Variants in PHACTR1 observed in about 807,000 individuals in gnomAD.
PHACTR1 encodes RPEL repeat containing 1.
In PHACTR1, 16 loss-of-function variants were observed where a neutral mutation model predicts 69.2. The observed-to-expected ratio is 0.23, with a 90% CI of 0.16 to 0.35. The LOEUF (loss-of-function observed/expected upper bound fraction) is 0.35, where lower values mean the gene tolerates loss of function less well. PHACTR1 is among the 10% of genes least tolerant of loss of function. The pLI is 1.00. For missense variants in PHACTR1, 510 were observed against 734.7 expected, an observed-to-expected ratio of 0.69 and a Z score of 3.54; for synonymous variants, 312 against 284.5, an observed-to-expected ratio of 1.10 and a Z score of -0.97.
chr6:12,909,803 T>C (rs1786172638), intron 4 of PHACTR1, among the ~76,000 whole-genome samples: 1 of 152,192 alleles, frequency 6.6e-6, no homozygotes, highest in Non-Finnish European at 1.5e-5. Context: ...ACCTCCCCCA[T>C]GAATATTTGA....
chr6:12,971,987 T>A (rs181110984), intron 4 of PHACTR1, among the ~76,000 whole-genome samples: 1 of 152,364 alleles, frequency 6.6e-6, no homozygotes, highest in Admixed American at 6.5e-5. Flanking sequence ...TGACTTCTGT[T>A]GAGCACCTAC....
chr6:13,263,714 A>G (rs1272099343), intron 10 of PHACTR1, among the ~76,000 whole-genome samples: 2 of 152,200 alleles, frequency 1.3e-5, no homozygotes, highest in African/African-American at 2.4e-5. Context: ...TGTTTAATTT[A>G]ATGTTAGTTT....
intron 3 of PHACTR1, chr6:12,749,365 G>T: frequency 1.9e-6 from 1 of 514,600 alleles, no homozygotes; most frequent in Non-Finnish European, 3.8e-6. Context: ...GAGTCTGGGG[G>T]AGCCCCGGGC....
intron 6 of PHACTR1, among the ~76,000 whole-genome samples, chr6:13,172,959 C>A (rs2076304155): frequency 6.6e-6 from 1 of 152,222 alleles, no homozygotes; most frequent in South Asian, 2.1e-4. Flanking sequence ...ATTGTTCTTG[C>A]ATATTGGTCA....
chr6:13,124,892 A>G (rs1200554253), intron 5 of PHACTR1, among the ~76,000 whole-genome samples: 5 of 152,218 alleles, frequency 3.3e-5, no homozygotes, highest in South Asian at 2.1e-4. Flanking sequence ...ATTGGAGGTT[A>G]GATCTTAAAT....
chr6:12,885,861 G>A (rs886201782), intron 4 of PHACTR1, among the ~76,000 whole-genome samples: 3 of 152,190 alleles, frequency 2.0e-5, no homozygotes, highest in East Asian at 1.9e-4. Context: ...TTGGGAGGCC[G>A]AGGCGGGCGT....
In PHACTR1 at chr6:13,283,438, C is replaced by T; in HGVS notation, c.1526C>T (p.Thr509Met). The T allele has an allele frequency of 6.2e-7, 1 of 1,613,668 alleles. No homozygotes were observed. The highest frequency in any genetic ancestry group is 8.5e-7 in the Non-Finnish European group (1 of 1,179,770). Residue 509 changes from threonine (T) to methionine (M), a missense_variant, in exon 13 of 15, where the codon ACG becomes ATG. This residue lies in a region of PHACTR1 where 91 missense variants were observed against 203.8 expected (regional missense o/e 0.45). Transcript: ENST00000332995. This position sits in a 1 kb window ranked among gnomAD's most constrained non-coding sequence, Gnocchi z 4.7. ...RLTRKLSQRPTVEELRERKIL... is the reference protein window; with the variant it reads ...RLTRKLSQRPMVEELRERKIL... ...TCCCTGCAGCTCAGTCAAAGGCCCACGGTGGAAGAGCTTCGGGAAAGAAAG... is the reference window on the plus strand; with the variant it reads ...TCCCTGCAGCTCAGTCAAAGGCCCATGGTGGAAGAGCTTCGGGAAAGAAAG...
At position 13,017,182 on chromosome 6, in the gene PHACTR1, T is replaced by C. The variant is rs571060148; in HGVS notation, c.251-36183T>C. The stretch of plus-strand genomic sequence containing the variant: ...GCCTGGGTGAAGAAGTGAGACTCTG[T>C]CTCAAAAAAAAAAAAAAAAAAAAAA... On this transcript the variant is annotated intron_variant, in intron 4 of 14. Transcript: ENST00000332995. Among the ~76,000 whole-genome samples the C allele has an allele frequency of 1.6e-4, 12 of 74,944 alleles. No homozygotes were observed. In the East Asian group the frequency reaches 3.4e-3, roughly 21 times the overall value. 49.2% of individuals were successfully genotyped at this position (74,944 alleles called of 152,430 possible). A position where few individuals can be genotyped will look rare whatever the true frequency, so the allele number is the denominator to read the frequency against.
rs1774996123 is a variant in PHACTR1 at position 12,811,401 on chromosome 6, G to C, written c.250+61611G>C. Among the ~76,000 whole-genome samples the C allele has an allele frequency of 2.0e-5, 3 of 152,162 alleles. No individual in the cohort carries two copies. In the South Asian group the frequency reaches 6.2e-4, roughly 32 times the overall value. On this transcript the variant is annotated intron_variant, in intron 4 of 14. Coordinates refer to ENST00000332995, the MANE Select transcript of PHACTR1 (RefSeq NM_030948.6). ...ATAGTTTCATTGCTGAAAATAACTT[G>C]TGGGTTTTAGTTAATTTGACTTGTT...
intron 4 of PHACTR1, among the ~76,000 whole-genome samples, chr6:12,821,662 G>GA (rs1002144409): frequency 4.6e-5 from 7 of 152,008 alleles, no homozygotes; most frequent in Non-Finnish European, 5.9e-5. Context: ...ATTTTGTTGG[G>GA]AAAAAAATCA....
At chr6:13,226,669 G>A (rs114367745) in intron 8 of PHACTR1, among the ~76,000 whole-genome samples, 59 of 152,078 alleles carry the variant, frequency 3.9e-4, no homozygotes, top group African/African-American at 1.4e-3. Flanking sequence ...TCAGCTAGAG[G>A]ATTAAGAAAA....
intron 10 of PHACTR1, among the ~76,000 whole-genome samples, chr6:13,231,760 G>A (rs976496222): frequency 1.1e-4 from 17 of 152,170 alleles, no homozygotes; most frequent in Admixed American, 6.5e-5. Flanking sequence ...GTGACATTAG[G>A]TAACCTTTGT....
chr6:13,234,240 C>A (rs1771656895), intron 10 of PHACTR1, among the ~76,000 whole-genome samples: 1 of 152,248 alleles, frequency 6.6e-6, no homozygotes, highest in South Asian at 2.1e-4. Context: ...GGTTCTGGCT[C>A]TGATTCTTTC....
At chr6:13,046,273 AC>A (rs1220451655) in intron 4 of PHACTR1, among the ~76,000 whole-genome samples, 1 of 151,924 alleles carries the variant, frequency 6.6e-6, no homozygotes, top group Non-Finnish European at 1.5e-5. Context: ...CCCTCCTCCT[AC>A]CCATCCCCAC....
chr6:12,939,264 T>C (rs1789813524), intron 4 of PHACTR1, among the ~76,000 whole-genome samples: 2 of 152,154 alleles, frequency 1.3e-5, no homozygotes, highest in Non-Finnish European at 1.5e-5. Flanking sequence ...GAAGGAGAGA[T>C]TGCCTTAGGT....
chr6:12,868,479 G>A (rs1422220963), intron 4 of PHACTR1, among the ~76,000 whole-genome samples: 2 of 152,132 alleles, frequency 1.3e-5, no homozygotes, highest in Non-Finnish European at 2.9e-5. Context: ...CGTGAAGCCA[G>A]GATTGGCTGG....
chr6:12,931,744 G>T (rs370488924), intron 4 of PHACTR1, among the ~76,000 whole-genome samples: 5 of 151,464 alleles, frequency 3.3e-5, no homozygotes, highest in Admixed American at 3.3e-4. Flanking sequence ...AATTGCCCTC[G>T]TATTCTTTCT....
At chr6:12,884,103 C>T (rs916974398) in intron 4 of PHACTR1, among the ~76,000 whole-genome samples, 2 of 151,782 alleles carry the variant, frequency 1.3e-5, no homozygotes, top group East Asian at 1.9e-4. Flanking sequence ...CACACATAAC[C>T]ACACACATGT....
chr6:12,769,900 G>A (rs779458950), intron 4 of PHACTR1, among the ~76,000 whole-genome samples: 5 of 152,192 alleles, frequency 3.3e-5, no homozygotes, highest in Admixed American at 1.3e-4. Context: ...TTTGTCCCAC[G>A]CCATAGTTCA....
Sources: gnomAD v4.1 joint callset for allele counts (sites outside exome capture counted in the v4.1 genomes callset) on GRCh38, gnomAD v4.1.1 for gene constraint, gnomAD v4.1.1 regional missense constraint, Gnocchi (gnomAD v3.1) non-coding constraint, MANE v1.5 for transcripts, NCBI Gene and HGNC (gene_info 2026-07-23, HGNC 2026-07-21) for gene names.